CDH23: variants seen among roughly 807,000 people sequenced by gnomAD.
CDH23 encodes the protein cadherin related 23.
Under a neutral mutation model 317.1 loss-of-function variants are expected in CDH23, and 189 were observed. The ratio of observed to expected loss-of-function variants is 0.60; its 90% CI spans 0.53 to 0.67. The LOEUF (loss-of-function observed/expected upper bound fraction) is 0.67, where lower values mean the gene tolerates loss of function less well. Among genes scored for constraint, CDH23 ranks in the 30% least tolerant of loss-of-function variants. The probability of loss-of-function intolerance (pLI) is 0.00; values close to 1 mark genes in which losing one functional copy is unlikely to be tolerated. For synonymous variants in CDH23, 1,839 were observed against 1,876.8 expected, an observed-to-expected ratio of 0.98 and a Z score of 0.52; for missense variants, 4,401 against 4,592.4, an observed-to-expected ratio of 0.96 and a Z score of 1.20.
At chr10:71,475,048 G>A (rs927083204) in intron 3 of CDH23, among the ~76,000 whole-genome samples, 1 of 152,204 alleles carries the variant, frequency 6.6e-6, no homozygotes, top group Non-Finnish European at 1.5e-5. Context: ...CTAGGAAGAC[G>A]GGAATGGTGA....
At chr10:71,561,517 C>A (rs561886884) in intron 6 of CDH23, among the ~76,000 whole-genome samples, 1 of 152,180 alleles carries the variant, frequency 6.6e-6, no homozygotes, top group Non-Finnish European at 1.5e-5. Flanking sequence ...TATTAACAAA[C>A]AAGATCCTTT....
At chr10:71,528,983 C>T (rs1855203218) in intron 6 of CDH23, among the ~76,000 whole-genome samples, 1 of 152,018 alleles carries the variant, frequency 6.6e-6, no homozygotes, top group African/African-American at 2.4e-5. Context: ...ACGTCTGTTT[C>T]CCCTGTTCTA....
chr10:71,439,656 A>G (rs1235710864), intron 1 of CDH23, among the ~76,000 whole-genome samples, 171 bp from the exon 2 acceptor site: 1 of 152,202 alleles, frequency 6.6e-6, no homozygotes, highest in African/African-American at 2.4e-5. Flanking sequence ...CAAATGATAC[A>G]GACCCTCTCC....
chr10:71,406,234 G>T (rs1848091881), intron 1 of CDH23, among the ~76,000 whole-genome samples: 1 of 152,138 alleles, frequency 6.6e-6, no homozygotes, highest in African/African-American at 2.4e-5. Context: ...AGTTTTCCAA[G>T]CAGGGAGTGA....
intron 6 of CDH23, among the ~76,000 whole-genome samples, chr10:71,562,350 AG>A (rs1564654320): frequency 6.6e-6 from 1 of 152,224 alleles, no homozygotes; most frequent in East Asian, 1.9e-4. Flanking sequence ...GCACGTTAAT[AG>A]GAGTGTCTGG....
rs57383938 is a variant in CDH23 at position 71,595,625 on chromosome 10, C to G, written c.832+17633C>G. ...TGGGAATCTGCAGGTCCCAAACACA[C>G]GGCCCTCACAACCCAGAAAGGAGCC... On this transcript the variant is annotated intron_variant, in intron 9 of 69. Coordinates refer to ENST00000224721, the MANE Select transcript of CDH23 (RefSeq NM_022124.6). 4.8e-3 allele frequency among the ~76,000 whole-genome samples: 733 copies of G among 152,266 alleles called. 8 individuals are homozygous for G. The highest frequency in any genetic ancestry group is 0.016 in the African/African-American group (675 of 41,544).
intron 38 of CDH23, among the ~76,000 whole-genome samples, chr10:71,744,493 A>G (rs183789843): frequency 6.6e-6 from 1 of 152,334 alleles, no homozygotes; most frequent in African/African-American, 2.4e-5. Context: ...TATCCAAGCA[A>G]TCCTTTAAAA....
chr10:71,550,324 C>T (rs376801669), intron 6 of CDH23, among the ~76,000 whole-genome samples: 4 of 151,848 alleles, frequency 2.6e-5, no homozygotes, highest in African/African-American at 9.7e-5. Flanking sequence ...GCTGAGGAGT[C>T]GGGGATCGCT....
At position 71,777,260 on chromosome 10, in the gene CDH23, G is replaced by T. The variant is rs1339409537; in HGVS notation, c.4846-420G>T. On this transcript the variant is annotated intron_variant, in intron 38 of 69. Coordinates refer to ENST00000224721, the MANE Select transcript of CDH23 (RefSeq NM_022124.6). ...GTGCCTCACATTCTTGCCTCTTGTAGTCTGGCAGGACATATAGGCTCAATA... is the reference window on the plus strand; with the variant it reads ...GTGCCTCACATTCTTGCCTCTTGTATTCTGGCAGGACATATAGGCTCAATA... Among the ~76,000 whole-genome samples, 15 of 152,316 alleles carry T rather than the reference G, an allele frequency of 9.8e-5. No individual in the cohort carries two copies. The East Asian group carries it at 2.5e-3, about 25-fold the overall frequency.
At chr10:71,548,884 G>A (rs1424961785) in intron 6 of CDH23, among the ~76,000 whole-genome samples, 6 of 152,204 alleles carry the variant, frequency 3.9e-5, no homozygotes, top group African/African-American at 1.4e-4. Flanking sequence ...CCTCTATCTT[G>A]GTTCAAGAGA....
chr10:71,680,810 C>CTT (rs562449159), intron 17 of CDH23, among the ~76,000 whole-genome samples: 61 of 100,566 alleles, frequency 6.1e-4, no homozygotes, highest in East Asian at 3.5e-3. Context: ...CTCTGTCTTT[C>CTT]TTTTTTTTTT....
At chr10:71,540,882 G>C (rs1251628016) in intron 6 of CDH23, among the ~76,000 whole-genome samples, 1 of 151,922 alleles carries the variant, frequency 6.6e-6, no homozygotes, top group Non-Finnish European at 1.5e-5. Context: ...CCCTGGGCCA[G>C]CTGCACACTT....
chr10:71,730,323 C>A, intron 30 of CDH23, 146 bp from the exon 31 acceptor site: 1 of 961,652 alleles, frequency 1.0e-6, no homozygotes, highest in Non-Finnish European at 1.5e-6. Flanking sequence ...TCACAGTGAC[C>A]CACCAGACAG....
Position 71,751,391 on chromosome 10 carries a change from C to A in CDH23, c.4845+9470C>A. On this transcript the variant is annotated intron_variant, in intron 38 of 69. Coordinates refer to ENST00000224721, the MANE Select transcript of CDH23 (RefSeq NM_022124.6). This position sits in a 1 kb window ranked among gnomAD's most constrained non-coding sequence, Gnocchi z 4.9. ...AACTCTTCAGGGAGGTGAATGGGGG[C>A]CCCTCTGTCCCTCACCCTCAACCCC... 3.6e-6 allele frequency: 2 copies of A among 559,374 alleles called. No homozygotes were observed. Among genetic ancestry groups the A allele is most frequent in the South Asian group, 2.2e-5 (1 of 46,122 alleles). 34.7% of individuals were successfully genotyped at this position (559,374 alleles called of 1,614,324 possible).
intron 17 of CDH23, among the ~76,000 whole-genome samples, chr10:71,680,608 C>A (rs976424590): frequency 6.6e-6 from 1 of 151,654 alleles, no homozygotes; most frequent in African/African-American, 2.4e-5. Context: ...ATTGGCCAGG[C>A]GTGGTGGTGT....
chr10:71,487,807 C>T (rs1443639805), intron 3 of CDH23, among the ~76,000 whole-genome samples: 2 of 152,156 alleles, frequency 1.3e-5, no homozygotes, highest in Non-Finnish European at 2.9e-5. Flanking sequence ...TGGAGGATAA[C>T]CAGTCATCAT....
At chr10:71,559,201 A>T (rs1481206453) in intron 6 of CDH23, among the ~76,000 whole-genome samples, 1 of 151,932 alleles carries the variant, frequency 6.6e-6, no homozygotes, top group Admixed American at 6.6e-5. Context: ...CAGTTTCCAG[A>T]ATTTTGTTGA....
chr10:71,590,798 C>T (rs150372142), intron 9 of CDH23, among the ~76,000 whole-genome samples: 37 of 144,602 alleles, frequency 2.6e-4, no homozygotes, highest in African/African-American at 9.6e-4. Flanking sequence ...CCCAGGGGTT[C>T]GAAGCTGCAG....
At chr10:71,747,201 T>C (rs1839873249) in intron 38 of CDH23, among the ~76,000 whole-genome samples, 2 of 152,154 alleles carry the variant, frequency 1.3e-5, no homozygotes, top group African/African-American at 4.8e-5. Context: ...TGAGGGTTTC[T>C]CCCTTCCCCA....
Sources: gnomAD v4.1 joint callset for allele counts (sites outside exome capture counted in the v4.1 genomes callset) on GRCh38, gnomAD v4.1.1 for gene constraint, Gnocchi (gnomAD v3.1) non-coding constraint, MANE v1.5 for transcripts, NCBI Gene and HGNC (gene_info 2026-07-23, HGNC 2026-07-21) for gene names.